The following SLC10A7 variants were observed in gnomAD, a reference collection of about 807,000 sequenced individuals.
SLC10A7 encodes sodium/bile acid cotransporter 7.
A neutral mutation model predicts 43.2 loss-of-function variants in SLC10A7; 29 were observed. The observed-to-expected ratio is 0.67, with a 90% CI of 0.50 to 0.92. The LOEUF is 0.92. Among genes scored for constraint, SLC10A7 ranks in the 40% least tolerant of loss-of-function variants. The probability of loss-of-function intolerance (pLI) is 0.00; values close to 1 mark genes in which losing one functional copy is unlikely to be tolerated. For synonymous variants in SLC10A7, 152 were observed against 144.8 expected, an observed-to-expected ratio of 1.05 and a Z score of -0.35; for missense variants, 295 against 403.2, an observed-to-expected ratio of 0.73 and a Z score of 2.30.
intron 6 of SLC10A7, among the ~76,000 whole-genome samples, chr4:146,321,444 C>T (rs1221971761): frequency 1.3e-5 from 2 of 152,054 alleles, no homozygotes; most frequent in African/African-American, 4.8e-5. Flanking sequence ...CCAGTATGTC[C>T]TCATCTTAAC....
Position 146,323,735 on chromosome 4 carries a change from T to G in SLC10A7, c.471+2226A>C, listed in dbSNP as rs182277982. Among the ~76,000 whole-genome samples the G allele has an allele frequency of 9.0e-3, 1,367 of 152,228 alleles. 15 individuals are homozygous for G. Among genetic ancestry groups the G allele is most frequent in the Middle Eastern group, 0.014 (4 of 294 alleles). On this transcript the variant is annotated intron_variant, in intron 6 of 11. Coordinates refer to ENST00000335472, the MANE Select transcript of SLC10A7 (RefSeq NM_001029998.6). ...TTTTTTGGTTCCATATGGCAAAAAC[T>G]GGAAGCATTCCCTTTGAAAACTGGC... is the stretch of plus-strand genomic sequence containing the variant.
intron 5 of SLC10A7, among the ~76,000 whole-genome samples, chr4:146,399,197 G>A (rs80141252): frequency 0.022 from 3,273 of 152,136 alleles, 105 homozygotes; most frequent in African/African-American, 0.075. Context: ...AGGTTCTGAG[G>A]AGAAAACAGG....
rs149707687 is a variant in SLC10A7, at chr4:146,426,768, G to A, written c.435+16015C>T. 6.8e-3 allele frequency among the ~76,000 whole-genome samples: 1,035 copies of A among 151,770 alleles called. 9 individuals are homozygous for A. The highest frequency in any genetic ancestry group is 0.024 in the African/African-American group (996 of 41,418). ...TATGCGCCTGTAACCCCAGCTACTC[G>A]GGAGGCTGAGGCAGGAGAATCGCTT... On this transcript the variant is annotated intron_variant, in intron 5 of 11. Transcript: ENST00000335472.
At chr4:146,417,062 T>C (rs575333035) in intron 5 of SLC10A7, among the ~76,000 whole-genome samples, 34 of 152,212 alleles carry the variant, frequency 2.2e-4, no homozygotes, top group Non-Finnish European at 4.3e-4. Context: ...ATATAAAACA[T>C]AGTAAAAGTG....
chr4:146,457,256 G>A (rs1732143787), intron 4 of SLC10A7, among the ~76,000 whole-genome samples: 1 of 150,758 alleles, frequency 6.6e-6, no homozygotes, highest in African/African-American at 2.4e-5. Flanking sequence ...AATTTTTGTG[G>A]GTACATAATA....
chr4:146,339,936 C>G (rs1734141288), intron 5 of SLC10A7, among the ~76,000 whole-genome samples: 1 of 151,286 alleles, frequency 6.6e-6, no homozygotes, highest in African/African-American at 2.4e-5. Flanking sequence ...GTTTTAAGCT[C>G]CGCATGCATT....
chr4:146,422,015 GA>G (rs1404609776), intron 5 of SLC10A7, among the ~76,000 whole-genome samples: 5 of 152,096 alleles, frequency 3.3e-5, no homozygotes, highest in Non-Finnish European at 7.4e-5. Context: ...CTCTTAAACA[GA>G]AATTGTATCT....
At chr4:146,332,504 T>C (rs2149715151) in intron 5 of SLC10A7, among the ~76,000 whole-genome samples, 1 of 152,274 alleles carries the variant, frequency 6.6e-6, no homozygotes, top group East Asian at 1.9e-4. Flanking sequence ...TGAGATCTGG[T>C]TGTTTAAAAG....
chr4:146,397,896 T>C (rs2149812750), intron 5 of SLC10A7, among the ~76,000 whole-genome samples: 1 of 152,256 alleles, frequency 6.6e-6, no homozygotes, highest in Middle Eastern at 3.4e-3. Context: ...AAAAACTGGA[T>C]AAAGCAATAA....
chr4:146,468,737 C>T (rs902746299), intron 4 of SLC10A7, among the ~76,000 whole-genome samples: 1 of 152,120 alleles, frequency 6.6e-6, no homozygotes, highest in Non-Finnish European at 1.5e-5. Context: ...GCAGGGATTA[C>T]AGGCGTGAGC....
intron 4 of SLC10A7, among the ~76,000 whole-genome samples, chr4:146,495,722 T>C (rs1286676891): frequency 3.3e-5 from 5 of 150,690 alleles, no homozygotes. Context: ...CATTCTTAAA[T>C]TGTCTTTGAA....
Position 146,268,237 on chromosome 4 carries a change from A to C in SLC10A7, c.848-9400T>G, listed in dbSNP as rs571964597. The stretch of plus-strand genomic sequence containing the variant: ...AGTCAGGAACTATTCGGCTATGCTA[A>C]GTAGATGTTTATGTAAAACTTTCCT... On this transcript the variant is annotated intron_variant, in intron 10 of 11. Transcript: ENST00000335472. Among the ~76,000 whole-genome samples, 60 of 152,296 alleles carry C rather than the reference A, an allele frequency of 3.9e-4. No individual in the cohort carries two copies. In the South Asian group the frequency reaches 0.012, roughly 30 times the overall value.
chr4:146,479,777 A>G (rs567316444), intron 4 of SLC10A7, among the ~76,000 whole-genome samples: 8 of 152,332 alleles, frequency 5.3e-5, no homozygotes, highest in African/African-American at 1.9e-4. Context: ...ATTCAAAAAA[A>G]TTGTTAGAAA....
At chr4:146,266,468 G>C (rs1247842169) in intron 10 of SLC10A7, among the ~76,000 whole-genome samples, 2 of 151,584 alleles carry the variant, frequency 1.3e-5, no homozygotes, top group Admixed American at 6.6e-5. Context: ...CATACACACA[G>C]ACTTTCTCTT....
chr4:146,447,668 T>TA lies in SLC10A7; in HGVS notation c.397-4848dup, dbSNP rs777457673. Among the ~76,000 whole-genome samples, 651 of 142,412 alleles carry TA rather than the reference T, an allele frequency of 4.6e-3. 3 individuals carry two copies. The highest frequency in any genetic ancestry group is 7.1e-3 in the Admixed American group (102 of 14,280). 93.4% of individuals were successfully genotyped at this position (142,412 alleles called of 152,430 possible). A position where few individuals can be genotyped will look rare whatever the true frequency, so the allele number is the denominator to read the frequency against. ...GGTGAATAATTAGATCAATCCTAGCTAAAAAAAAAAAAGTTCATATTGAGA... is the reference window on the plus strand; with the variant it reads ...GGTGAATAATTAGATCAATCCTAGCTAAAAAAAAAAAAAGTTCATATTGAGA... On this transcript the variant is annotated intron_variant, in intron 4 of 11. Coordinates refer to ENST00000335472, the MANE Select transcript of SLC10A7 (RefSeq NM_001029998.6).
chr4:146,376,085 G>A (rs1159665647), intron 5 of SLC10A7, among the ~76,000 whole-genome samples: 1 of 152,170 alleles, frequency 6.6e-6, no homozygotes, highest in Non-Finnish European at 1.5e-5. Flanking sequence ...CCAGATGGAA[G>A]AGATGCATAG....
chr4:146,437,937 T>G (rs1730323010), intron 5 of SLC10A7, among the ~76,000 whole-genome samples: 1 of 152,014 alleles, frequency 6.6e-6, no homozygotes, highest in South Asian at 2.1e-4. Flanking sequence ...GGCATGATCA[T>G]CTTTGTCATT....
chr4:146,293,822 C>A, intron 8 of SLC10A7, 108 bp downstream of exon 8: 3 of 631,890 alleles, frequency 4.7e-6, no homozygotes, highest in East Asian at 5.7e-5. Context: ...ATTAAGCATT[C>A]ATTTCTAGTC....
chr4:146,517,143 T>C (rs1451291664), intron 1 of SLC10A7, 23 bp from the exon 2 acceptor site: 3 of 1,569,550 alleles, frequency 1.9e-6, no homozygotes, highest in Non-Finnish European at 2.6e-6. Context: ...AAAAGAGTTA[T>C]TGCTAGAAAA....
Sources: gnomAD v4.1 joint callset for allele counts (sites outside exome capture counted in the v4.1 genomes callset) on GRCh38, gnomAD v4.1.1 for gene constraint, MANE v1.5 for transcripts, NCBI Gene and HGNC (gene_info 2026-07-23, HGNC 2026-07-21) for gene names.